Variants in ASIC4 observed in about 807,000 individuals in gnomAD.
The protein encoded by ASIC4 is acid-sensing ion channel 4.
Under a neutral mutation model 53.4 loss-of-function variants are expected in ASIC4, and 28 were observed. The observed-to-expected ratio is 0.52, with a 90% confidence interval of 0.39 to 0.72. The LOEUF (loss-of-function observed/expected upper bound fraction) is 0.72, where lower values mean the gene tolerates loss of function less well. ASIC4 is among the 30% of genes least tolerant of loss of function. ASIC4 has a pLI of 0.00. For missense variants in ASIC4, 649 were observed against 729.7 expected (o/e 0.89, Z 1.27); for synonymous variants, 289 against 301.4 (o/e 0.96, Z 0.43).
At chr2:219,514,196 G>A (rs1044504243), upstream of ASIC4, 144 of 976,116 alleles carry the variant, frequency 1.5e-4, no homozygotes, top group Non-Finnish European at 3.2e-5. Flanking sequence ...GGGTGCAGCA[G>A]GAGTTTGGGG....
rs115824877 is a variant in ASIC4, at chr2:219,537,966, G to A, written c.1540G>A (p.Gly514Arg). ...PCPSRGRVEG[G>R]GVSSLLPNHH... The stretch of plus-strand genomic sequence containing the variant: ...CCCGAGCCGGGGCCGAGTGGAGGGT[G>A]GGGGGGTCAGCAGTCTGCTCCCCAA... Residue 514 changes from glycine (G) to arginine (R), a missense_variant, in exon 10 of 10, where the codon GGG (glycine) becomes AGG (arginine). Physicochemically the swap from Gly to Arg is moderately radical, Grantham distance 125 (BLOSUM62 -2). Coordinates refer to ENST00000358078, the MANE Select transcript of ASIC4 (RefSeq NM_018674.6). This position sits in a 1 kb window ranked among gnomAD's most constrained non-coding sequence, Gnocchi z 4.9. The A allele has an allele frequency of 9.8e-4, 1,582 of 1,606,278 alleles. 2 individuals carry two copies. Among genetic ancestry groups the A allele is most frequent in the Non-Finnish European group, 1.3e-3 (1,484 of 1,174,492 alleles).
upstream of ASIC4, among the ~76,000 whole-genome samples, chr2:219,513,247 C>T (rs948717740): frequency 3.9e-5 from 6 of 152,126 alleles, no homozygotes; most frequent in Admixed American, 2.6e-4. Flanking sequence ...CCCTTTCCTC[C>T]CGGGGACAAG....
rs146925695 is a variant in ASIC4 at position 219,515,033 on chromosome 2, C to G, written c.309C>G (p.Pro103=). 183 of 1,613,674 alleles carry G rather than the reference C, an allele frequency of 1.1e-4. 1 individual carries two copies. In the African/African-American group the frequency reaches 1.7e-3, roughly 15 times the overall value. Residue 103 remains proline, a synonymous_variant, in exon 1 of 10, where the codon CCC becomes CCG. Transcript: ENST00000358078. ...GGCCTCACCTGGTGGCAATGGACCCCGCTGCCCCAGCCCCAGTGGCGGGCT... is the reference window on the plus strand; with the variant it reads ...GGCCTCACCTGGTGGCAATGGACCCGGCTGCCCCAGCCCCAGTGGCGGGCT... ...LTRPHLVAMD[P]AAPAPVAGFP...
At chr2:219,530,227 C>T (rs1156343340) in intron 1 of ASIC4, among the ~76,000 whole-genome samples, 2 of 152,190 alleles carry the variant, frequency 1.3e-5, no homozygotes, top group African/African-American at 2.4e-5. Flanking sequence ...GGAAGCCTGG[C>T]AGGGGGGAAC....
upstream of ASIC4, among the ~76,000 whole-genome samples, chr2:219,510,887 C>T (rs185269717): frequency 1.9e-3 from 294 of 152,116 alleles, no homozygotes; most frequent in African/African-American, 6.8e-3. The surrounding 1 kb of genome is among the most constrained non-coding windows in gnomAD (Gnocchi z 5.2). Context: ...CTGCCTCGTC[C>T]GCGGCATAAA....
At position 219,538,255 on chromosome 2, in the gene ASIC4, G is replaced by A. The variant is rs1435116054; in HGVS notation, c.*209G>A. On this transcript the variant is annotated 3_prime_UTR_variant, in exon 10 of 10. Transcript: ENST00000358078. ...CCCCTTATCCCCAGGCTGGTGCCCC[G>A]GGAGGGCTGGAGACCAGGCCATGGG... The A allele has an allele frequency of 2.1e-5, 12 of 582,250 alleles. No individual in the cohort carries two copies. The highest frequency in any genetic ancestry group is 4.5e-4 in the Middle Eastern group (1 of 2,222). 36.1% of individuals were successfully genotyped at this position (582,250 alleles called of 1,614,324 possible).
chr2:219,513,215 T>C (rs1374892566), upstream of ASIC4, among the ~76,000 whole-genome samples: 3 of 152,148 alleles, frequency 2.0e-5, no homozygotes, highest in East Asian at 5.8e-4. Flanking sequence ...TGCTGCTCAT[T>C]AGCGCCCCGA....
upstream of ASIC4, among the ~76,000 whole-genome samples, chr2:219,511,956 G>C (rs569527155): frequency 5.9e-4 from 90 of 152,166 alleles, no homozygotes; most frequent in Non-Finnish European, 9.7e-4. This position sits in a 1 kb window ranked among gnomAD's most constrained non-coding sequence, Gnocchi z 5.3. Context: ...GAGACAGGGA[G>C]GGGGCCAGAG....
intron 1 of ASIC4, among the ~76,000 whole-genome samples, chr2:219,526,539 C>G (rs1553522132): frequency 6.6e-6 from 1 of 152,098 alleles, no homozygotes; most frequent in Non-Finnish European, 1.5e-5. Context: ...CAACAGAGGG[C>G]AGGGGCAGAG....
At position 219,518,215 on chromosome 2, in the gene ASIC4, C is replaced by T. The variant is rs1027272079; in HGVS notation, c.582+2909C>T. On this transcript the variant is annotated intron_variant, in intron 1 of 9. Transcript: ENST00000358078. This position sits in a 1 kb window ranked among gnomAD's most constrained non-coding sequence, Gnocchi z 4.8. ...CCTGTCCTCAAGCAGCCTATAGTCT[C>T]GTAGAGTGGGGACAGGGACACTCAG... 2.0e-5 allele frequency among the ~76,000 whole-genome samples: 3 copies of T among 152,148 alleles called. No individual in the cohort carries two copies. Among genetic ancestry groups the T allele is most frequent in the East Asian group, 1.9e-4 (1 of 5,190 alleles).
At chr2:219,513,420 C>A (rs149999991), upstream of ASIC4, among the ~76,000 whole-genome samples, 7 of 152,180 alleles carry the variant, frequency 4.6e-5, no homozygotes, top group Non-Finnish European at 8.8e-5. Context: ...CTGTTCCCCT[C>A]CACGAGAACA....
In ASIC4 at chr2:219,536,393, C is replaced by T. The variant is rs150229216; in HGVS notation, c.1230-673C>T. ...TGGAGCGTGGTCTGGGTGCCAGGCT[C>T]AGTGCTGGGTTCTGTGGGGACAGAT... On this transcript the variant is annotated intron_variant, in intron 6 of 9. Transcript: ENST00000358078. The surrounding 1 kb of genome is among the most constrained non-coding windows in gnomAD (Gnocchi z 4.6). Among the ~76,000 whole-genome samples, 2 of 152,162 alleles carry T rather than the reference C, an allele frequency of 1.3e-5. No individual in the cohort carries two copies. The highest frequency in any genetic ancestry group is 2.4e-5 in the African/African-American group (1 of 41,426).
At chr2:219,531,623 T>A in intron 1 of ASIC4, 135 bp from the exon 2 acceptor site, 1 of 980,826 alleles carries the variant, frequency 1.0e-6, no homozygotes. Flanking sequence ...GAGGCTGGGC[T>A]GTACATTGCT....
chr2:219,531,982 C>A lies in ASIC4; in HGVS notation c.728-19C>A. On this transcript the variant is annotated intron_variant, in intron 2 of 9. Coordinates refer to ENST00000358078, the MANE Select transcript of ASIC4 (RefSeq NM_018674.6). ...CTGCCTGGGATGGGTTTCCAAAGGT[C>A]CCCATCTCTGCTGTGCAGATGAGAC... 1 of 1,614,066 alleles carries A rather than the reference C, an allele frequency of 6.2e-7. No homozygotes were observed. The highest frequency in any genetic ancestry group is 1.1e-5 in the South Asian group (1 of 91,080).
chr2:219,532,805 T>A (rs112667049), intron 4 of ASIC4, 78 bp from the exon 5 acceptor site: 12 of 1,333,984 alleles, frequency 9.0e-6, no homozygotes, highest in Non-Finnish European at 1.3e-5. Flanking sequence ...TGTGCATGCA[T>A]GTATGTGCTT....
the ASIC4 span, among the ~76,000 whole-genome samples, chr2:219,507,209 C>A: frequency 6.6e-6 from 1 of 152,198 alleles, no homozygotes; most frequent in Non-Finnish European, 1.5e-5. Context: ...TCCCCCCCTT[C>A]ACCCCTGCCT....
chr2:219,519,498 C>T (rs1247392244), intron 1 of ASIC4, among the ~76,000 whole-genome samples: 1 of 152,222 alleles, frequency 6.6e-6, no homozygotes, highest in South Asian at 2.1e-4. Flanking sequence ...CCAAAATATG[C>T]ATGCACGTGT....
the ASIC4 span, among the ~76,000 whole-genome samples, chr2:219,507,669 T>G: frequency 6.6e-6 from 1 of 152,028 alleles, no homozygotes. Flanking sequence ...CATGTGCCCC[T>G]CTTGGTGCCC....
Position 219,535,213 on chromosome 2 carries a change from C to A in ASIC4, c.1118C>A (p.Thr373Asn). Residue 373 changes from threonine (T) to asparagine (N), a missense_variant, in exon 6 of 10, where the codon ACC (threonine) becomes AAC (asparagine). Coordinates refer to ENST00000358078, the MANE Select transcript of ASIC4 (RefSeq NM_018674.6). Reference protein sequence around the residue: ...GGPEGPCFCPTPCNLTRYGKE... With the variant: ...GGPEGPCFCPNPCNLTRYGKE... ...CCTGAGGGCCCGTGCTTCTGCCCCA[C>A]CCCCTGCAACCTGACACGCTATGGG... 1.2e-6 allele frequency: 2 copies of A among 1,614,002 alleles called. No individual in the cohort carries two copies. Among genetic ancestry groups the A allele is most frequent in the Non-Finnish European group, 1.7e-6 (2 of 1,179,930 alleles).
Sources: allele counts gnomAD v4.1 joint callset (sites outside exome capture counted in the v4.1 genomes callset), GRCh38; gene constraint gnomAD v4.1.1; non-coding constraint Gnocchi (gnomAD v3.1); transcripts MANE v1.5; gene names NCBI Gene and HGNC (gene_info 2026-07-23, HGNC 2026-07-21).